The following CCDC180 variants were observed in gnomAD, a reference collection of about 807,000 sequenced individuals.
The protein encoded by CCDC180 is coiled-coil domain-containing protein 180.
Under a neutral mutation model 209.2 loss-of-function variants are expected in CCDC180, and 154 were observed. That is an observed-to-expected ratio of 0.74 (90% CI 0.65 to 0.84). The LOEUF is 0.84. Ranked by LOEUF, CCDC180 falls within the 40% of genes least tolerant of loss-of-function variation. CCDC180 has a pLI of 0.00. For missense variants in CCDC180, 1,874 were observed against 1,997.3 expected (o/e 0.94, Z 1.18); for synonymous variants, 778 against 749.1 (o/e 1.04, Z -0.63).
At chr9:97,338,210 A>G (rs4742684) in intron 18 of CCDC180, among the ~76,000 whole-genome samples, 45,097 of 151,830 alleles carry the variant, frequency 0.3, 7,346 homozygotes, top group African/African-American at 0.42. Flanking sequence ...CTAGCTTTTG[A>G]ATTTGTTTGC....
rs551432490 is a variant in CCDC180, at chr9:97,310,813, T to C, written c.260+1209T>C. On this transcript the variant is annotated intron_variant, in intron 3 of 36. Transcript: ENST00000529487. Reference sequence around the variant, plus strand: ...TCTGAACTCCCAACAGATAGAAAAATCCACTGGCCCACCCAAGCCCAGACT... The same window carrying C: ...TCTGAACTCCCAACAGATAGAAAAACCCACTGGCCCACCCAAGCCCAGACT... 2.0e-5 allele frequency among the ~76,000 whole-genome samples: 3 copies of C among 152,100 alleles called. No individual in the cohort carries two copies. The East Asian group carries it at 5.8e-4, about 30-fold the overall frequency.
At chr9:97,370,311 TGC>T (rs1359065533) in intron 32 of CCDC180, among the ~76,000 whole-genome samples, 1 of 152,120 alleles carries the variant, frequency 6.6e-6, no homozygotes, top group Non-Finnish European at 1.5e-5. Context: ...TGGGTGGGTG[TGC>T]TGGGTTCCGT....
In CCDC180 at chr9:97,313,345, G is replaced by A. The variant is rs1336898228; in HGVS notation, c.459G>A (p.Lys153=). 1 of 1,603,460 alleles carries A rather than the reference G, an allele frequency of 6.2e-7. No individual in the cohort carries two copies. The highest frequency in any genetic ancestry group is 8.5e-7 in the Non-Finnish European group (1 of 1,171,258). Residue 153 remains lysine (K), a splice_region_variant and synonymous_variant, in exon 5 of 37, where the codon AAG becomes AAA. Coordinates refer to ENST00000529487, the MANE Select transcript of CCDC180 (RefSeq NM_020893.6). ...SFQEEIAQVG[K]EMEPLIVDTG... ...AGGAGGAGATTGCGCAGGTGGGAAA[G>A]GTGAGAATCCTCCCTCTCCCTTCTC...
chr9:97,326,461 T>G, intron 14 of CCDC180, 93 bp from the exon 15 acceptor site: 2 of 761,952 alleles, frequency 2.6e-6, no homozygotes, highest in East Asian at 5.0e-5. Flanking sequence ...CACCTGGGCC[T>G]CAGTTCCAGC....
In CCDC180 at chr9:97,371,615, C is replaced by T. The variant is rs1000274140; in HGVS notation, c.4509C>T (p.Gly1503=). The T allele has an allele frequency of 7.5e-6, 12 of 1,605,950 alleles. No individual in the cohort carries two copies. The highest frequency in any genetic ancestry group is 9.4e-6 in the Non-Finnish European group (11 of 1,173,472). The change falls in exon 34 of 37, where the codon GGC becomes GGT. Residue 1503 remains glycine (G), a synonymous_variant. Transcript: ENST00000529487. ...TCCAGGAATGTACCAGAAGGAATGG[C>T]CAGGTTTTCATAACCAACTTGGCCA... ...EKLEECTRRN[G]QVFITNLATF...
At chr9:97,369,187 A>G (rs1378873913) in intron 31 of CCDC180, 1 of 152,220 alleles carries the variant, frequency 6.6e-6, no homozygotes, top group Non-Finnish European at 1.5e-5. Flanking sequence ...TAACACAGAA[A>G]TATAAAGAGA....
At position 97,352,810 on chromosome 9, in the gene CCDC180, A is replaced by G. The variant is rs576762507; in HGVS notation, c.3003-1759A>G. Reference sequence around the variant, plus strand: ...GTCTTGTATATTTTAGCTTCATTCTAGCTAATTTCTTTATATTATTCTTCC... The same window carrying G: ...GTCTTGTATATTTTAGCTTCATTCTGGCTAATTTCTTTATATTATTCTTCC... On this transcript the variant is annotated intron_variant, in intron 22 of 36. Transcript: ENST00000529487. Among the ~76,000 whole-genome samples the G allele has an allele frequency of 1.6e-4, 25 of 152,174 alleles. 1 individual carries two copies. The South Asian group carries it at 4.6e-3, about 28-fold the overall frequency.
Position 97,369,959 on chromosome 9 carries a change from G to GC in CCDC180, c.4231dup (p.Gln1411ProfsTer67), listed in dbSNP as rs1827030805. ...AGATCAGGAGATTTGAGGAGCTGCT[G>GC]CCCCAAGTGTGTTGGCTGGTGATGG... On this transcript the variant is annotated frameshift_variant, in exon 32 of 37. Transcript: ENST00000529487. LOFTEE classifies it high-confidence loss of function. 6.2e-7 allele frequency: 1 copy of GC among 1,614,068 alleles called. No homozygotes were observed. The highest frequency in any genetic ancestry group is 1.1e-5 in the South Asian group (1 of 91,078).
intron 35 of CCDC180, 42 bp from the exon 36 acceptor site, chr9:97,375,409 AGAT>A: frequency 6.2e-7 from 1 of 1,610,618 alleles, no homozygotes; most frequent in Non-Finnish European, 8.5e-7. Flanking sequence ...GGATTATGAA[AGAT>A]GAAGACAAGC....
rs1157934150 is a variant in CCDC180, at chr9:97,366,683, A to G, written c.4172A>G (p.His1391Arg). ...LEYQSQANKY[H>R]NSCLIELRIQ... ...TATCAGAGCCAGGCAAATAAGTACC[A>G]CAACTCCTGCCTCATAGGTGAGTAT... The change falls in exon 31 of 37, where the codon CAC becomes CGC. Residue 1391 changes from histidine (H) to arginine (R), a missense_variant. Transcript: ENST00000529487. This position sits in a 1 kb window ranked among gnomAD's most constrained non-coding sequence, Gnocchi z 4.3. 1.2e-6 allele frequency: 2 copies of G among 1,614,132 alleles called. No homozygotes were observed. Among genetic ancestry groups the G allele is most frequent in the Admixed American group, 3.3e-5 (2 of 60,018 alleles).
In CCDC180 at chr9:97,375,499, G is replaced by A; in HGVS notation, c.4752G>A (p.Lys1584=). 2 of 1,614,194 alleles carry A rather than the reference G, an allele frequency of 1.2e-6. No individual in the cohort carries two copies. The highest frequency in any genetic ancestry group is 1.6e-4 in the Middle Eastern group (1 of 6,062). ...CCACCGAAGTCACCATCCAAAACAA[G>A]ATTCTTCTCCAGCCAACATCATCGA... is the stretch of plus-strand genomic sequence containing the variant. ...IKPTEVTIQN[K]ILLQPTSSIS... Residue 1584 remains lysine (K), a synonymous_variant, in exon 36 of 37, where the codon AAG becomes AAA. Transcript: ENST00000529487.
chr9:97,361,014 C>A (rs1262509177), intron 26 of CCDC180, among the ~76,000 whole-genome samples: 1 of 152,208 alleles, frequency 6.6e-6, no homozygotes, highest in Non-Finnish European at 1.5e-5. Context: ...ATCCATCTCC[C>A]TCTGGTGGGG....
rs180747681 is a variant in CCDC180 at position 97,330,483 on chromosome 9, T to G, written c.1990T>G (p.Phe664Val). The change falls in exon 18 of 37, where the codon TTC (phenylalanine) becomes GTC (valine). Residue 664 changes from phenylalanine to valine, a missense_variant. Phe to Val is a conservative substitution (Grantham distance 50). Coordinates refer to ENST00000529487, the MANE Select transcript of CCDC180 (RefSeq NM_020893.6). Reference sequence around the variant, plus strand: ...AGAAAACGATCAAGAAATGGAGTCCTTCATAACTGAAGAGGTGCTGGGGCA... The same window carrying G: ...AGAAAACGATCAAGAAATGGAGTCCGTCATAACTGAAGAGGTGCTGGGGCA... The part of the protein sequence containing the change: ...EEENDQEMES[F>V]ITEEVLGQQK... 6 of 1,614,144 alleles carry G rather than the reference T, an allele frequency of 3.7e-6. No homozygotes were observed. Among genetic ancestry groups the G allele is most frequent in the Non-Finnish European group, 4.2e-6 (5 of 1,180,030 alleles).
At position 97,370,067 on chromosome 9, in the gene CCDC180, G is replaced by A; in HGVS notation, c.4335G>A (p.Arg1445=). ...IRGQFEEQQK[R]LEKRKDKNAQ... is the part of the protein sequence containing the mutation. ...GACAGTTCGAGGAACAGCAGAAGCG[G>A]CTGGAGAAAAGAAAGGTGAGGGCCC... Residue 1445 remains arginine (R), a synonymous_variant, in exon 32 of 37, where the codon CGG becomes CGA. Transcript: ENST00000529487. The A allele has an allele frequency of 1.2e-6, 2 of 1,613,956 alleles. No individual in the cohort carries two copies. The highest frequency in any genetic ancestry group is 1.1e-5 in the South Asian group (1 of 91,042).
At chr9:97,354,271 G>A (rs925347533) in intron 22 of CCDC180, among the ~76,000 whole-genome samples, 7 of 152,086 alleles carry the variant, frequency 4.6e-5, no homozygotes, top group Non-Finnish European at 1.0e-4. Flanking sequence ...GAGCCACTGC[G>A]CCTGGCAAGT....
At chr9:97,362,119 G>T in intron 27 of CCDC180, 77 bp from the exon 28 acceptor site, 1 of 1,541,960 alleles carries the variant, frequency 6.5e-7, no homozygotes, top group Non-Finnish European at 8.8e-7. Context: ...GGACTAACTG[G>T]GATGCTGCTC....
At chr9:97,309,331 C>G in intron 2 of CCDC180, 83 bp from the exon 3 acceptor site, 1 of 1,388,200 alleles carries the variant, frequency 7.2e-7, no homozygotes, top group Non-Finnish European at 9.8e-7. Context: ...GGATGTCTTT[C>G]TAGACAGCCA....
At position 97,355,156 on chromosome 9, in the gene CCDC180, C is replaced by A. The variant is rs1292806409; in HGVS notation, c.3264+148C>A. ...GGAAGACAGACACAATCTTTTTTTTCTTTTTTTCTTTTTTTTGAGACAGGG... is the reference window on the plus strand; with the variant it reads ...GGAAGACAGACACAATCTTTTTTTTATTTTTTTCTTTTTTTTGAGACAGGG... On this transcript the variant is annotated intron_variant, in intron 24 of 36. Coordinates refer to ENST00000529487, the MANE Select transcript of CCDC180 (RefSeq NM_020893.6). 5 of 608,018 alleles carry A rather than the reference C, an allele frequency of 8.2e-6. No homozygotes were observed. In the Admixed American group the frequency reaches 8.8e-5, roughly 11 times the overall value. The allele number at this position is 608,018 out of a possible 1,614,324, so 37.7% of individuals were successfully genotyped here. A position where few individuals can be genotyped will look rare whatever the true frequency, so the allele number is the denominator to read the frequency against.
In CCDC180 at chr9:97,360,075, G is replaced by A. The variant is rs767871788; in HGVS notation, c.3457G>A (p.Val1153Met). 1 of 1,614,020 alleles carries A rather than the reference G, an allele frequency of 6.2e-7. No individual in the cohort carries two copies. The change falls in exon 26 of 37, where the codon GTG becomes ATG. Residue 1153 changes from valine (V) to methionine (M), a missense_variant. By Grantham distance (21) the Val-to-Met change is conservative. Transcript: ENST00000529487. ...IQYLNCSLDRVSMTELVFTNT... is the reference protein window; with the variant it reads ...IQYLNCSLDRMSMTELVFTNT... ...GTACCTTAACTGCAGCCTGGACAGG[G>A]TGTCCATGACTGAACTGGTCTTTAC... is the stretch of plus-strand genomic sequence containing the variant.
Sources: gnomAD v4.1 joint callset for allele counts (sites outside exome capture counted in the v4.1 genomes callset) on GRCh38, gnomAD v4.1.1 for gene constraint, Gnocchi (gnomAD v3.1) non-coding constraint, MANE v1.5 for transcripts, NCBI Gene and HGNC (gene_info 2026-07-23, HGNC 2026-07-21) for gene names.